DYSF: variants seen among roughly 807,000 people sequenced by gnomAD.
DYSF encodes dysferlin, also known as dystrophy-associated fer-1-like 1.
In DYSF, 212 loss-of-function variants were observed where a neutral mutation model predicts 274.9. That is an observed-to-expected ratio of 0.77 (90% CI 0.69 to 0.86). DYSF has a LOEUF of 0.86. Ranked by LOEUF, DYSF falls within the 40% of genes least tolerant of loss-of-function variation. The pLI is 0.00. For missense variants in DYSF, 2,666 were observed against 2,783.2 expected (o/e 0.96, Z 0.95); for synonymous variants, 1,091 against 1,078.7 (o/e 1.01, Z -0.22).
chr2:71,644,111 G>A, intron 42 of DYSF, 48 bp downstream of exon 42: 5 of 1,448,106 alleles, frequency 3.5e-6, no homozygotes, highest in Non-Finnish European at 4.8e-6. Context: ...TGCGTACTGG[G>A]CAGTGGGAGA....
At chr2:71,469,270 A>T (rs1432015383) in intron 1 of DYSF, among the ~76,000 whole-genome samples, 1 of 152,142 alleles carries the variant, frequency 6.6e-6, no homozygotes, top group Non-Finnish European at 1.5e-5. Context: ...TTCAGAACTT[A>T]CAGAGCATGT....
intron 32 of DYSF, among the ~76,000 whole-genome samples, chr2:71,592,564 A>T (rs760184856): frequency 6.6e-6 from 1 of 152,216 alleles, no homozygotes; most frequent in African/African-American, 2.4e-5. Context: ...GAGGCTGTGC[A>T]TGGCCACCGG....
At chr2:71,503,386 C>T in intron 4 of DYSF, 67 bp downstream of exon 4, 1 of 1,511,890 alleles carries the variant, frequency 6.6e-7, no homozygotes, top group South Asian at 1.1e-5. Context: ...CTCTTTGGGC[C>T]TTGCCATTCT....
At chr2:71,510,617 G>C (rs2085994314) in intron 4 of DYSF, among the ~76,000 whole-genome samples, 1 of 152,140 alleles carries the variant, frequency 6.6e-6, no homozygotes, top group Admixed American at 6.5e-5. Flanking sequence ...TCAAGCTCAA[G>C]AGCTGAGTAT....
At chr2:71,481,669 G>C (rs1217148013) in intron 2 of DYSF, among the ~76,000 whole-genome samples, 1 of 134,780 alleles carries the variant, frequency 7.4e-6, no homozygotes, top group Non-Finnish European at 1.6e-5. Context: ...TGTCACCTCT[G>C]AATTTCTGGA....
At chr2:71,577,210 ACACT>A (rs1349438617) in intron 30 of DYSF, 1 of 153,444 alleles carries the variant, frequency 6.5e-6, no homozygotes, top group Non-Finnish European at 1.5e-5. Flanking sequence ...ACACACTCAC[ACACT>A]GTCTTACACA....
intron 8 of DYSF, 67 bp downstream of exon 8, chr2:71,515,818 C>A: frequency 6.2e-7 from 1 of 1,605,814 alleles, no homozygotes; most frequent in South Asian, 1.1e-5. Context: ...CCAGTGCAGA[C>A]ACCTGGCAAT....
chr2:71,627,746 A>C (rs150444206), intron 41 of DYSF, among the ~76,000 whole-genome samples: 1 of 152,096 alleles, frequency 6.6e-6, no homozygotes, highest in Non-Finnish European at 1.5e-5. Flanking sequence ...GATGCTCTCT[A>C]TATTTTTTCT....
intron 4 of DYSF, among the ~76,000 whole-genome samples, chr2:71,505,062 AG>A (rs1349952548): frequency 6.6e-6 from 1 of 152,204 alleles, no homozygotes; most frequent in African/African-American, 2.4e-5. Flanking sequence ...GAGCCCCACT[AG>A]CTGAGCACAG....
At chr2:71,586,185 A>G (rs1294051597) in intron 30 of DYSF, among the ~76,000 whole-genome samples, 1 of 151,914 alleles carries the variant, frequency 6.6e-6, no homozygotes, top group Admixed American at 6.6e-5. Context: ...GGACCAGAGG[A>G]TATAAGGATG....
rs1558936227 is a variant in DYSF at position 71,470,729 on chromosome 2, C to CCTTCCTTCCTTCT, written c.91+3796_91+3797insCTTCCTTCCTTCT. Among the ~76,000 whole-genome samples the CCTTCCTTCCTTCT allele has an allele frequency of 4.2e-4, 47 of 111,458 alleles. 1 individual carries two copies. The highest frequency in any genetic ancestry group is 6.5e-4 in the Non-Finnish European group (38 of 58,436). The allele number at this position is 111,458 out of a possible 152,430, so 73.1% of individuals were successfully genotyped here. On this transcript the variant is annotated intron_variant, in intron 1 of 55. Coordinates refer to ENST00000410020, the MANE Select transcript of DYSF (RefSeq NM_001130987.2). ...TTCTCTTCTCTTCCTTCTTTCCTTC[C>CCTTCCTTCCTTCT]TTCCTTCTTTCCTTCCTTCCTTCCT...
intron 3 of DYSF, among the ~76,000 whole-genome samples, chr2:71,487,098 G>C (rs545050901): frequency 2.6e-5 from 4 of 152,180 alleles, no homozygotes; most frequent in African/African-American, 9.7e-5. Context: ...TTTTCATTGC[G>C]CAGCCTGGGC....
At position 71,466,983 on chromosome 2, in the gene DYSF, C is replaced by T. The variant is rs71416709; in HGVS notation, c.91+50C>T. The T allele has an allele frequency of 0.065, 99,680 of 1,534,584 alleles. 3,702 individuals are homozygous for T. The highest frequency in any genetic ancestry group is 0.12 in the African/African-American group (8,504 of 72,900). On this transcript the variant is annotated intron_variant, in intron 1 of 55. Coordinates refer to ENST00000410020, the MANE Select transcript of DYSF (RefSeq NM_001130987.2). ...CCATGCTCGGGTGCTACCCGACTCT[C>T]GGCGCTCACTGGCGGGTCTGAAGCC... is the stretch of plus-strand genomic sequence containing the variant.
chr2:71,613,213 C>G (rs778599766), intron 39 of DYSF, 121 bp from the exon 40 acceptor site: 10 of 847,406 alleles, frequency 1.2e-5, no homozygotes, highest in Admixed American at 2.0e-5. Flanking sequence ...GAGATACCGA[C>G]TGAGAAATGT....
intron 53 of DYSF, among the ~76,000 whole-genome samples, chr2:71,680,051 A>G (rs1573184435): frequency 6.6e-6 from 1 of 152,240 alleles, no homozygotes; most frequent in East Asian, 1.9e-4. Context: ...ATACATATCT[A>G]TGAGAAAGTT....
intron 7 of DYSF, among the ~76,000 whole-genome samples, chr2:71,514,363 C>A (rs907832444): frequency 1.3e-5 from 2 of 152,136 alleles, no homozygotes; most frequent in Admixed American, 1.3e-4. Context: ...TGCATTTTAA[C>A]AAGATCCTTA....
chr2:71,605,404 A>C (rs941457116), intron 36 of DYSF, among the ~76,000 whole-genome samples: 5 of 152,240 alleles, frequency 3.3e-5, no homozygotes, highest in African/African-American at 1.2e-4. Flanking sequence ...TCGAGGGCAC[A>C]CACATGCACG....
chr2:71,564,267 TTCTCCCA>T, intron 24 of DYSF, 54 bp downstream of exon 24: 1 of 1,576,842 alleles, frequency 6.3e-7, no homozygotes, highest in African/African-American at 1.3e-5. Flanking sequence ...CATAAGGCCT[TTCTCCCA>T]TCTCTTCTGT....
intron 1 of DYSF, among the ~76,000 whole-genome samples, chr2:71,458,167 A>C (rs534321045): frequency 6.6e-6 from 1 of 152,298 alleles, no homozygotes; most frequent in African/African-American, 2.4e-5. Context: ...CCTGCTTTGG[A>C]TGAATCATTC....
Sources: allele counts gnomAD v4.1 joint callset (sites outside exome capture counted in the v4.1 genomes callset), GRCh38; gene constraint gnomAD v4.1.1; transcripts MANE v1.5; gene names NCBI Gene and HGNC (gene_info 2026-07-23, HGNC 2026-07-21).